SLC14A2: variants seen among roughly 807,000 people sequenced by gnomAD.
SLC14A2 encodes urea transporter 2.
A neutral mutation model predicts 104.6 loss-of-function variants in SLC14A2; 91 were observed. The ratio of observed to expected loss-of-function variants is 0.87; its 90% CI spans 0.73 to 1.04. SLC14A2 has a LOEUF of 1.04. Ranked by LOEUF, SLC14A2 falls within the 50% of genes least tolerant of loss-of-function variation. The pLI, the probability that SLC14A2 is intolerant of heterozygous loss-of-function variation, is 0.00. For synonymous variants in SLC14A2, 476 were observed against 466.4 expected, an observed-to-expected ratio of 1.02 and a Z score of -0.27; for missense variants, 1,189 against 1,156.0, an observed-to-expected ratio of 1.03 and a Z score of -0.41.
chr18:45,615,437 A>C (rs1172268119), upstream of SLC14A2: 3 of 151,960 alleles, frequency 2.0e-5, no homozygotes, highest in Non-Finnish European at 2.9e-5. Flanking sequence ...TTCTCACAAG[A>C]TCTGATGGTT....
Position 45,426,627 on chromosome 18 carries a change from TA to T in SLC14A2, c.-124-56605del, listed in dbSNP as rs1568196858. Among the ~76,000 whole-genome samples, 22 of 148,892 alleles carry T rather than the reference TA, an allele frequency of 1.5e-4. 1 individual carries two copies. The South Asian group carries it at 3.6e-3, about 24-fold the overall frequency. The stretch of plus-strand genomic sequence containing the variant: ...TATGTACTATATATATACACATATA[TA>T]TACTATATATCTATATACATATATA... On this transcript the variant is annotated intron_variant, in intron 1 of 20. Transcript: ENST00000586448.
chr18:45,397,625 G>A (rs191987755), intron 1 of SLC14A2, among the ~76,000 whole-genome samples: 19 of 152,054 alleles, frequency 1.2e-4, no homozygotes, highest in African/African-American at 4.1e-4. Flanking sequence ...GTCTGTTTAC[G>A]CTGTTGATAG....
At chr18:45,601,309 A>G (rs1200451587) in intron 2 of SLC14A2, among the ~76,000 whole-genome samples, 2 of 152,230 alleles carry the variant, frequency 1.3e-5, no homozygotes, top group Non-Finnish European at 2.9e-5. Context: ...TCATAAAGGT[A>G]CAATTCTAAC....
the SLC14A2 span, among the ~76,000 whole-genome samples, chr18:45,205,641 T>A: frequency 7.8e-3 from 1,189 of 152,326 alleles, 25 homozygotes; most frequent in African/African-American, 0.027. Context: ...GCATTGAAGC[T>A]AAAATCCTGT....
chr18:45,170,658 A>T, the SLC14A2 span, among the ~76,000 whole-genome samples: 4 of 152,210 alleles, frequency 2.6e-5, no homozygotes, highest in African/African-American at 9.6e-5. Context: ...TTCACTAGAA[A>T]TAGATTACTT....
Position 45,296,489 on chromosome 18 carries a change from A to G in SLC14A2, c.-125+83298A>G, listed in dbSNP as rs187481643. ...AGCTAACCTGGTTAGAACATCTGGC[A>G]CCCAGGAGTTAATGAAGTATTTTAG... is the stretch of plus-strand genomic sequence containing the variant. On this transcript the variant is annotated intron_variant, in intron 1 of 20. Transcript: ENST00000586448. 3.3e-4 allele frequency among the ~76,000 whole-genome samples: 50 copies of G among 152,372 alleles called. No individual in the cohort carries two copies. The East Asian group carries it at 8.3e-3, about 25-fold the overall frequency.
chr18:45,474,727 C>A (rs1407078112), intron 1 of SLC14A2, among the ~76,000 whole-genome samples: 1 of 152,084 alleles, frequency 6.6e-6, no homozygotes, highest in African/African-American at 2.4e-5. Context: ...GGTGATATCT[C>A]CTTTATCATT....
chr18:45,280,450 A>G lies in SLC14A2; in HGVS notation c.-125+67259A>G, dbSNP rs191560375. ...GGTTTGATTTTGGTCGATTGAGGTT[A>G]CACAATTGTGGGAGTGATACTTCCA... On this transcript the variant is annotated intron_variant, in intron 1 of 20. Coordinates refer to the SLC14A2 transcript ENST00000586448. Among the ~76,000 whole-genome samples, 1,040 of 152,216 alleles carry G rather than the reference A, an allele frequency of 6.8e-3. 13 individuals carry two copies. Among genetic ancestry groups the G allele is most frequent in the African/African-American group, 0.023 (959 of 41,518 alleles).
chr18:45,274,646 G>A (rs568639784), intron 1 of SLC14A2, among the ~76,000 whole-genome samples: 1 of 152,362 alleles, frequency 6.6e-6, no homozygotes, highest in South Asian at 2.1e-4. Flanking sequence ...GTCAACAGAT[G>A]TCTGGGTTGG....
chr18:45,663,768 G>GTT lies in SLC14A2; in HGVS notation c.1352-14_1352-13dup, dbSNP rs1251678014. ...ACTAGGTGGGACACTGACCTGTCTT[G>GTT]TTTTGCCCCTGGCTAGGAGGCGGTG... is the stretch of plus-strand genomic sequence containing the variant. On this transcript the variant is annotated splice_polypyrimidine_tract_variant and intron_variant, in intron 10 of 19. Coordinates refer to ENST00000255226, the MANE Select transcript of SLC14A2 (RefSeq NM_007163.4). The GTT allele has an allele frequency of 1.2e-6, 2 of 1,610,652 alleles. No individual in the cohort carries two copies. The highest frequency in any genetic ancestry group is 1.7e-6 in the Non-Finnish European group (2 of 1,179,044).
At chr18:45,635,168 A>T (rs1274973071) in intron 5 of SLC14A2, among the ~76,000 whole-genome samples, 1 of 152,224 alleles carries the variant, frequency 6.6e-6, no homozygotes, top group Non-Finnish European at 1.5e-5. Flanking sequence ...GACACATTAT[A>T]CTATAGACTT....
chr18:45,498,947 G>A (rs765240588), intron 2 of SLC14A2, among the ~76,000 whole-genome samples: 1 of 152,182 alleles, frequency 6.6e-6, no homozygotes, highest in Non-Finnish European at 1.5e-5. Context: ...GTGTCAACTT[G>A]TTTAAGCCTT....
At chr18:45,574,290 G>A (rs2044389386) in intron 2 of SLC14A2, among the ~76,000 whole-genome samples, 1 of 152,194 alleles carries the variant, frequency 6.6e-6, no homozygotes, top group African/African-American at 2.4e-5. Flanking sequence ...AGGGGCTTGT[G>A]CTACCAGACA....
At chr18:45,424,744 T>C (rs1356881243) in intron 1 of SLC14A2, among the ~76,000 whole-genome samples, 1 of 152,226 alleles carries the variant, frequency 6.6e-6, no homozygotes, top group African/African-American at 2.4e-5. Context: ...AGATTTATCG[T>C]TTATGGGCTG....
At position 45,680,419 on chromosome 18, in the gene SLC14A2, T is replaced by C. The variant is rs145761964; in HGVS notation, c.2562+1395T>C. Among the ~76,000 whole-genome samples the C allele has an allele frequency of 4.8e-3, 734 of 152,334 alleles. 2 individuals carry two copies. The highest frequency in any genetic ancestry group is 0.016 in the African/African-American group (682 of 41,574). On this transcript the variant is annotated intron_variant, in intron 19 of 19. Coordinates refer to ENST00000255226, the MANE Select transcript of SLC14A2 (RefSeq NM_007163.4). ...TTTGCCTACTGTGTTTAAGACATTG[T>C]GTTGGCCACTCTCCGGAATATAAAA...
At chr18:45,436,967 T>C (rs12456197) in intron 1 of SLC14A2, among the ~76,000 whole-genome samples, 53,578 of 152,038 alleles carry the variant, frequency 0.35, 11,410 homozygotes, top group Non-Finnish European at 0.47. Flanking sequence ...CAAAGCATGT[T>C]GGTCCTCCGC....
chr18:45,425,762 G>A (rs1422474145), intron 1 of SLC14A2, among the ~76,000 whole-genome samples: 3 of 152,140 alleles, frequency 2.0e-5, no homozygotes, highest in African/African-American at 7.2e-5. Context: ...GCACTTTCTA[G>A]TTTACACATA....
At position 45,353,500 on chromosome 18, in the gene SLC14A2, C is replaced by G. The variant is rs764427549; in HGVS notation, c.-124-129733C>G. On this transcript the variant is annotated intron_variant, in intron 1 of 20. Transcript: ENST00000586448. ...TTACAGAAAATATTTATGACTGGAT[C>G]CATGTGACCTGGTATAGCACAGTTC... is the stretch of plus-strand genomic sequence containing the variant. Among the ~76,000 whole-genome samples, 7 of 152,304 alleles carry G rather than the reference C, an allele frequency of 4.6e-5. No homozygotes were observed. In the East Asian group the frequency reaches 1.2e-3, roughly 25 times the overall value.
intron 1 of SLC14A2, among the ~76,000 whole-genome samples, chr18:45,284,280 G>A (rs529911377): frequency 7.2e-5 from 11 of 152,266 alleles, no homozygotes; most frequent in African/African-American, 2.6e-4. Flanking sequence ...TGACATGGGG[G>A]CTGACTCCTG....
Sources: gnomAD v4.1 joint callset for allele counts (sites outside exome capture counted in the v4.1 genomes callset) on GRCh38, gnomAD v4.1.1 for gene constraint, MANE v1.5 for transcripts, NCBI Gene and HGNC (gene_info 2026-07-23, HGNC 2026-07-21) for gene names.